The following FAM98B variants were observed in gnomAD, a reference collection of about 807,000 sequenced individuals.
FAM98B encodes the protein tRNA-splicing ligase complex subunit FAM98B.
Under a neutral mutation model 43.9 loss-of-function variants are expected in FAM98B, and 32 were observed. The ratio of observed to expected loss-of-function variants is 0.73; its 90% CI spans 0.55 to 0.98. FAM98B has a LOEUF of 0.98. FAM98B is among the 50% of genes least tolerant of loss of function. The probability of loss-of-function intolerance (pLI) is 0.00; values close to 1 mark genes in which losing one functional copy is unlikely to be tolerated. For missense variants in FAM98B, 514 were observed against 522.9 expected, an observed-to-expected ratio of 0.98 and a Z score of 0.17; for synonymous variants, 190 against 174.0, an observed-to-expected ratio of 1.09 and a Z score of -0.72.
intron 6 of FAM98B, among the ~76,000 whole-genome samples, chr15:38,475,131 C>T (rs1391881991): frequency 3.9e-5 from 6 of 152,218 alleles, no homozygotes; most frequent in Admixed American, 1.3e-4. Flanking sequence ...GTTGGGGTCA[C>T]TTATGCCAGC....
At chr15:38,454,959 TG>T (rs1404395786) in intron 1 of FAM98B, among the ~76,000 whole-genome samples, 1 of 152,094 alleles carries the variant, frequency 6.6e-6, no homozygotes, top group Non-Finnish European at 1.5e-5. Flanking sequence ...TTAACAAGTG[TG>T]GTGGTTCGTA....
chr15:38,483,293 C>G (rs1380771495), intron 7 of FAM98B: 1 of 152,126 alleles, frequency 6.6e-6, no homozygotes, highest in South Asian at 2.1e-4. Context: ...ACATTTGTTA[C>G]AGAATTTGCT....
At chr15:38,473,677 C>T in intron 5 of FAM98B, 92 bp downstream of exon 5, 1 of 881,364 alleles carries the variant, frequency 1.1e-6, no homozygotes, top group Non-Finnish European at 1.7e-6. Context: ...CAATATGTAG[C>T]ATGCATATAT....
chr15:38,478,455 CT>C (rs1432227405), intron 6 of FAM98B, among the ~76,000 whole-genome samples: 14 of 151,968 alleles, frequency 9.2e-5, no homozygotes, highest in Non-Finnish European at 1.8e-4. Context: ...TTTATTATAT[CT>C]TTATCATTTT....
intron 3 of FAM98B, among the ~76,000 whole-genome samples, chr15:38,466,769 A>G (rs1424769630): frequency 6.6e-6 from 1 of 152,186 alleles, no homozygotes; most frequent in African/African-American, 2.4e-5. Context: ...CATGCTTATC[A>G]TAGAAATCTT....
rs1320686477 is a variant in FAM98B at position 38,485,349 on chromosome 15, T to C, written c.*690T>C. On this transcript the variant is annotated 3_prime_UTR_variant, in exon 8 of 8. Coordinates refer to ENST00000397609, the MANE Select transcript of FAM98B (RefSeq NM_173611.4). ...TTTAAGATTGAGGTCAGAAATACTTTAATGGAGCAAAGACACATACCAACT... is the reference window on the plus strand; with the variant it reads ...TTTAAGATTGAGGTCAGAAATACTTCAATGGAGCAAAGACACATACCAACT... The C allele has an allele frequency of 6.6e-6, 1 of 152,262 alleles. No homozygotes were observed. The highest frequency in any genetic ancestry group is 1.5e-5 in the Non-Finnish European group (1 of 68,074). 9.4% of individuals were successfully genotyped at this position (152,262 alleles called of 1,614,324 possible).
rs1890345922 is a variant in FAM98B at position 38,484,842 on chromosome 15, G to C, written c.*183G>C. On this transcript the variant is annotated 3_prime_UTR_variant, in exon 8 of 8. Transcript: ENST00000397609. ...TTTATTACCAGTTGATCTCTCAAAT[G>C]AAGTGATGACTTTTTCCATATTCTG... 4.3e-6 allele frequency: 4 copies of C among 936,892 alleles called. No individual in the cohort carries two copies. The highest frequency in any genetic ancestry group is 6.6e-5 in the East Asian group (2 of 30,406). The allele number at this position is 936,892 out of a possible 1,614,324, so 58.0% of individuals were successfully genotyped here. A position where few individuals can be genotyped will look rare whatever the true frequency, so the allele number is the denominator to read the frequency against.
intron 2 of FAM98B, 39 bp downstream of exon 2, chr15:38,464,216 G>C (rs764497403): frequency 6.4e-7 from 1 of 1,553,498 alleles, no homozygotes; most frequent in Admixed American, 1.8e-5. Flanking sequence ...CTGTTTAATA[G>C]TAAACTGATA....
Position 38,454,179 on chromosome 15 carries a change from G to T in FAM98B, c.18G>T (p.Pro6=). The change falls in exon 1 of 8, where the codon CCG becomes CCT. Residue 6 remains proline (P), a synonymous_variant. Transcript: ENST00000397609. The part of the protein sequence containing the change: MRGPE[P]GPQPTMEGDV... ...AAAGGACCATGAGAGGGCCGGAGCC[G>T]GGTCCCCAACCGACGATGGAGGGAG... is the stretch of plus-strand genomic sequence containing the variant. 6.2e-7 allele frequency: 1 copy of T among 1,601,446 alleles called. No individual in the cohort carries two copies. The highest frequency in any genetic ancestry group is 8.5e-7 in the Non-Finnish European group (1 of 1,175,436).
chr15:38,474,264 C>T lies in FAM98B; in HGVS notation c.695C>T (p.Thr232Ile). ...RRMLMKRLDV[T>I]VQSFGWSDRA... is the part of the protein sequence containing the mutation. The stretch of plus-strand genomic sequence containing the variant: ...ATGTTAATGAAACGATTAGATGTGA[C>T]TGTACAGTCCTTTGGATGGTCTGAT... Residue 232 changes from threonine (T) to isoleucine (I), a missense_variant, in exon 6 of 8, where the codon ACT becomes ATT. Thr to Ile is a moderately conservative substitution (Grantham distance 89). This residue lies in a region of FAM98B where 469 missense variants were observed against 451.8 expected (regional missense o/e 1.04). Transcript: ENST00000397609. The T allele has an allele frequency of 6.2e-7, 1 of 1,613,596 alleles. No homozygotes were observed. Among genetic ancestry groups the T allele is most frequent in the Middle Eastern group, 1.7e-4 (1 of 6,054 alleles).
Position 38,486,058 on chromosome 15 carries a change from A to G in FAM98B, c.*1399A>G, listed in dbSNP as rs1010814765. 1.3e-5 allele frequency: 2 copies of G among 152,042 alleles called. No homozygotes were observed. Among genetic ancestry groups the G allele is most frequent in the African/African-American group, 4.8e-5 (2 of 41,420 alleles). The allele number at this position is 152,042 out of a possible 1,614,324, so 9.4% of individuals were successfully genotyped here. ...ATGTTTAGCAGGTTTTTTTGTTGTT[A>G]TTTTTTTGGTAAACTCTGTGGTAAA... On this transcript the variant is annotated 3_prime_UTR_variant, in exon 8 of 8. Coordinates refer to ENST00000397609, the MANE Select transcript of FAM98B (RefSeq NM_173611.4).
chr15:38,457,877 A>G (rs1223579103), intron 1 of FAM98B, among the ~76,000 whole-genome samples: 1 of 152,208 alleles, frequency 6.6e-6, no homozygotes, highest in Non-Finnish European at 1.5e-5. Context: ...AAAGGAGGCC[A>G]AAACTCCTAC....
chr15:38,457,563 G>C (rs535965559), intron 1 of FAM98B, among the ~76,000 whole-genome samples: 1 of 152,280 alleles, frequency 6.6e-6, no homozygotes, highest in Non-Finnish European at 1.5e-5. Flanking sequence ...AGTGATTTTG[G>C]AGGTGCAGTG....
chr15:38,484,287 C>T lies in FAM98B; in HGVS notation c.930C>T (p.Gly310=), dbSNP rs1890329665. 3 of 1,549,318 alleles carry T rather than the reference C, an allele frequency of 1.9e-6. No individual in the cohort carries two copies. Among genetic ancestry groups the T allele is most frequent in the African/African-American group, 2.8e-5 (2 of 71,990 alleles). The change falls in exon 8 of 8, where the codon GGC becomes GGT. Residue 310 remains glycine, a synonymous_variant. Transcript: ENST00000397609. The stretch of plus-strand genomic sequence containing the variant: ...TGGGAAGGGTGCCTGACAGGGGAGG[C>T]CGGCCGAATGAAATTGAACCACCAC... ...VLMGRVPDRG[G]RPNEIEPPPP...
chr15:38,461,372 C>T (rs1480662650), intron 1 of FAM98B, among the ~76,000 whole-genome samples: 2 of 151,996 alleles, frequency 1.3e-5, no homozygotes, highest in Non-Finnish European at 2.9e-5. Flanking sequence ...ATCAACTGGA[C>T]CAGATTATTT....
Position 38,486,486 on chromosome 15 carries a change from T to C in FAM98B, c.*1827T>C, listed in dbSNP as rs1890374295. On this transcript the variant is annotated 3_prime_UTR_variant, in exon 8 of 8. Transcript: ENST00000397609. Reference sequence around the variant, plus strand: ...GGAGATTTACAACTACTTTCAACTTTTTTACCACTAAAGGTTTATGGTAAA... The same window carrying C: ...GGAGATTTACAACTACTTTCAACTTCTTTACCACTAAAGGTTTATGGTAAA... 6.6e-6 allele frequency: 1 copy of C among 152,158 alleles called. No homozygotes were observed. 9.4% of individuals were successfully genotyped at this position (152,158 alleles called of 1,614,324 possible).
At chr15:38,471,362 T>C (rs766906744) in intron 4 of FAM98B, among the ~76,000 whole-genome samples, 40 of 152,118 alleles carry the variant, frequency 2.6e-4, no homozygotes, top group South Asian at 6.2e-4. Flanking sequence ...AACATTCTTA[T>C]AGAGTTAACA....
Position 38,465,219 on chromosome 15 carries a change from A to G in FAM98B, c.218-50A>G. 3 of 1,548,746 alleles carry G rather than the reference A, an allele frequency of 1.9e-6. No homozygotes were observed. In the South Asian group the frequency reaches 3.6e-5, roughly 19 times the overall value. On this transcript the variant is annotated intron_variant, in intron 2 of 7. Coordinates refer to ENST00000397609, the MANE Select transcript of FAM98B (RefSeq NM_173611.4). Reference sequence around the variant, plus strand: ...AAACGAGTAGATTTTATAGTATTGGATTATATGGTAAATGCTCAGTAAATG... The same window carrying G: ...AAACGAGTAGATTTTATAGTATTGGGTTATATGGTAAATGCTCAGTAAATG...
At chr15:38,458,427 A>T (rs1427312088) in intron 1 of FAM98B, among the ~76,000 whole-genome samples, 4 of 152,156 alleles carry the variant, frequency 2.6e-5, no homozygotes, top group African/African-American at 9.7e-5. Flanking sequence ...ACAGGAGAGG[A>T]GACGACTTGA....
Sources: allele counts gnomAD v4.1 joint callset (sites outside exome capture counted in the v4.1 genomes callset), GRCh38; gene constraint gnomAD v4.1.1; regional missense constraint gnomAD v4.1.1; transcripts MANE v1.5; gene names NCBI Gene and HGNC (gene_info 2026-07-23, HGNC 2026-07-21).